Variants in CLINT1 observed in about 807,000 individuals in gnomAD.
CLINT1 encodes clathrin interactor 1, also known as clathrin interacting protein localized in the trans-Golgi region.
A neutral mutation model predicts 70.4 loss-of-function variants in CLINT1; 15 were observed. The observed-to-expected ratio is 0.21, with a 90% CI of 0.14 to 0.33. The LOEUF is 0.33. CLINT1 is among the 10% of genes least tolerant of loss of function. The pLI, the probability that CLINT1 is intolerant of heterozygous loss-of-function variation, is 1.00. For missense variants in CLINT1, 615 were observed against 778.1 expected, an observed-to-expected ratio of 0.79 and a Z score of 2.49; for synonymous variants, 227 against 254.7, an observed-to-expected ratio of 0.89 and a Z score of 1.04.
At chr5:157,833,028 ATC>A (rs1462756517) in intron 1 of CLINT1, among the ~76,000 whole-genome samples, 1 of 152,140 alleles carries the variant, frequency 6.6e-6, no homozygotes, top group African/African-American at 2.4e-5. Context: ...CCTATTTTAA[ATC>A]TAGTAAAGGC....
chr5:157,834,431 G>A (rs1430511769), intron 1 of CLINT1, among the ~76,000 whole-genome samples: 1 of 151,516 alleles, frequency 6.6e-6, no homozygotes, highest in African/African-American at 2.4e-5. Context: ...ACTCTGTTCT[G>A]AGTAACAGAA....
chr5:157,820,445 G>A (rs1561655120), intron 1 of CLINT1, among the ~76,000 whole-genome samples: 1 of 152,078 alleles, frequency 6.6e-6, no homozygotes, highest in Non-Finnish European at 1.5e-5. Flanking sequence ...ATTTTCCAAT[G>A]AAGCTGTTGC....
intron 6 of CLINT1, among the ~76,000 whole-genome samples, chr5:157,807,660 T>C (rs1456534884): frequency 6.6e-6 from 1 of 152,174 alleles, no homozygotes; most frequent in African/African-American, 2.4e-5. Context: ...GCATTTTCAC[T>C]CTTTTAAACC....
chr5:157,793,961 A>G (rs1219010696), intron 9 of CLINT1, among the ~76,000 whole-genome samples: 1 of 152,220 alleles, frequency 6.6e-6, no homozygotes, highest in East Asian at 1.9e-4. Flanking sequence ...TCCCTGCCTC[A>G]CCTCATGTTT....
chr5:157,845,353 T>C (rs1048796712), intron 1 of CLINT1, among the ~76,000 whole-genome samples: 3 of 151,414 alleles, frequency 2.0e-5, no homozygotes, highest in Non-Finnish European at 2.9e-5. Flanking sequence ...CATCTCAAAA[T>C]AATAATAATA....
chr5:157,826,638 G>T (rs254676), intron 1 of CLINT1, among the ~76,000 whole-genome samples: 61,327 of 151,704 alleles, frequency 0.4, 12,927 homozygotes, highest in East Asian at 0.61. Context: ...ATACATGCAT[G>T]TGAGATCATA....
intron 1 of CLINT1, among the ~76,000 whole-genome samples, chr5:157,844,532 A>G (rs1435160330): frequency 6.6e-6 from 1 of 152,230 alleles, no homozygotes; most frequent in East Asian, 1.9e-4. Flanking sequence ...AGGTCAGCCA[A>G]GATTAGTAAG....
chr5:157,852,021 T>C (rs749176103), intron 1 of CLINT1, among the ~76,000 whole-genome samples: 1 of 152,224 alleles, frequency 6.6e-6, no homozygotes, highest in African/African-American at 2.4e-5. Flanking sequence ...TCAAACACCA[T>C]GAATTTGGTA....
intron 1 of CLINT1, among the ~76,000 whole-genome samples, chr5:157,845,692 C>G (rs1753347719): frequency 1.3e-5 from 2 of 151,918 alleles, no homozygotes; most frequent in South Asian, 4.2e-4. Flanking sequence ...GCTGGGACCA[C>G]AGGTGCCTGC....
intron 5 of CLINT1, among the ~76,000 whole-genome samples, chr5:157,811,403 C>T (rs1762553494): frequency 1.3e-5 from 2 of 151,946 alleles, no homozygotes; most frequent in East Asian, 1.9e-4. Flanking sequence ...CATGGTGGCT[C>T]ACGCCTGTGG....
At chr5:157,796,891 T>C (rs1445429349) in intron 8 of CLINT1, among the ~76,000 whole-genome samples, 3 of 151,078 alleles carry the variant, frequency 2.0e-5, no homozygotes, top group African/African-American at 4.8e-5. Flanking sequence ...TACATACATA[T>C]ATATATATAT....
At chr5:157,812,946 T>C (rs749225929) in intron 5 of CLINT1, 117 bp downstream of exon 5, 33 of 917,568 alleles carry the variant, frequency 3.6e-5, no homozygotes, top group African/African-American at 1.3e-4. Context: ...ATTTTAGTAT[T>C]CTATGTATTC....
At chr5:157,817,857 T>C (rs1026584311) in intron 1 of CLINT1, among the ~76,000 whole-genome samples, 2 of 152,172 alleles carry the variant, frequency 1.3e-5, no homozygotes, top group Admixed American at 1.3e-4. Context: ...AAACTGAACA[T>C]GCTGGAGTCT....
rs1282017771 is a variant in CLINT1 at position 157,787,841 on chromosome 5, C to T, written c.1683G>A (p.Met561Ile). Residue 561 changes from methionine to isoleucine, a missense_variant, in exon 12 of 12, where the codon ATG becomes ATA. By Grantham distance (10) the Met-to-Ile change is conservative. Coordinates refer to ENST00000411809, the MANE Select transcript of CLINT1 (RefSeq NM_014666.4). The stretch of plus-strand genomic sequence containing the variant: ...GAGTATTTCCAAGAGGGGCCATTCC[C>T]ATGGTGCCAGTCATCACATTGGGCA... The part of the protein sequence containing the change: ...MSMPNVMTGT[M>I]GMAPLGNTPM... The T allele has an allele frequency of 1.9e-6, 3 of 1,613,792 alleles. No individual in the cohort carries two copies. In the African/African-American group the frequency reaches 4.0e-5, roughly 22 times the overall value.
At chr5:157,818,468 A>T (rs929819564) in intron 1 of CLINT1, among the ~76,000 whole-genome samples, 2 of 78,016 alleles carry the variant, frequency 2.6e-5, no homozygotes, top group Admixed American at 2.6e-4. Flanking sequence ...CCTGGTCTCT[A>T]AAAAAAAAAA....
intron 6 of CLINT1, 130 bp downstream of exon 6, chr5:157,809,497 TA>T (rs60217753): frequency 0.2 from 96,042 of 490,536 alleles, 2,162 homozygotes; most frequent in African/African-American, 0.29. Flanking sequence ...TGAAGTCTAT[TA>T]AAAAAAAAAA....
intron 1 of CLINT1, among the ~76,000 whole-genome samples, chr5:157,821,230 A>G (rs1220447290): frequency 5.9e-5 from 9 of 152,196 alleles, no homozygotes; most frequent in South Asian, 2.1e-4. Context: ...AATTTTCTGT[A>G]TATTATTTTA....
chr5:157,836,832 C>A (rs1581530244), intron 1 of CLINT1, among the ~76,000 whole-genome samples: 2 of 152,206 alleles, frequency 1.3e-5, no homozygotes, highest in East Asian at 3.8e-4. Context: ...CTAAAATAAT[C>A]CCACTCATCA....
chr5:157,843,185 A>T (rs2113305867), intron 1 of CLINT1, among the ~76,000 whole-genome samples: 1 of 152,354 alleles, frequency 6.6e-6, no homozygotes, highest in South Asian at 2.1e-4. Flanking sequence ...TTTATTTCCC[A>T]ACTTAATTCC....
Sources: gnomAD v4.1 joint callset for allele counts (sites outside exome capture counted in the v4.1 genomes callset) on GRCh38, gnomAD v4.1.1 for gene constraint, MANE v1.5 for transcripts, NCBI Gene and HGNC (gene_info 2026-07-23, HGNC 2026-07-21) for gene names.